Variants in ZNF44 observed in about 807,000 individuals in gnomAD.
ZNF44 encodes the protein zinc finger protein 44, also known as gonadotropin inducible transcription repressor-2.
A neutral mutation model predicts 11.7 loss-of-function variants in ZNF44; 9 were observed. The observed-to-expected ratio is 0.77, with a 90% confidence interval of 0.46 to 1.35. The LOEUF is 1.35. Ranked by LOEUF, ZNF44 falls within the 40% of genes most tolerant of loss-of-function variation. The probability of loss-of-function intolerance (pLI) is 0.00; values close to 1 mark genes in which losing one functional copy is unlikely to be tolerated. For missense variants in ZNF44, 696 were observed against 743.1 expected, an observed-to-expected ratio of 0.94 and a Z score of 0.74; for synonymous variants, 224 against 242.7, an observed-to-expected ratio of 0.92 and a Z score of 0.72.
chr19:12,248,985 T>G (rs1458045525), intron 7 of ZNF44, among the ~76,000 whole-genome samples: 1 of 149,876 alleles, frequency 6.7e-6, no homozygotes, highest in East Asian at 2.0e-4. Flanking sequence ...CGATCTTGGC[T>G]CACTGCAACC....
At chr19:12,290,441 G>A (rs924264573) in intron 1 of ZNF44, among the ~76,000 whole-genome samples, 7 of 148,194 alleles carry the variant, frequency 4.7e-5, no homozygotes, top group Non-Finnish European at 1.0e-4. Flanking sequence ...AGTGGTTCAC[G>A]CCTGTAATCC....
downstream of ZNF44, chr19:12,244,466 T>A (rs1357185408): frequency 6.6e-6 from 1 of 152,420 alleles, no homozygotes; most frequent in Non-Finnish European, 1.5e-5. Flanking sequence ...AGGTACTTTA[T>A]AGATAACAGT....
intron 1 of ZNF44, among the ~76,000 whole-genome samples, chr19:12,288,803 T>TATATATATATATATATATATAC (rs1967878717): frequency 9.2e-6 from 1 of 108,334 alleles, no homozygotes; most frequent in Admixed American, 9.6e-5. Context: ...TATATATATA[T>TATATATATATATATATATATAC]ATGAAATCAC....
chr19:12,265,991 G>A (rs189684861), intron 5 of ZNF44, among the ~76,000 whole-genome samples: 2 of 152,272 alleles, frequency 1.3e-5, no homozygotes, highest in Non-Finnish European at 2.9e-5. Context: ...CATGGTCCCC[G>A]CACAATCTGG....
chr19:12,289,852 C>G lies in ZNF44; in HGVS notation c.3+4840G>C, dbSNP rs1180371921. 3.3e-5 allele frequency among the ~76,000 whole-genome samples: 5 copies of G among 151,942 alleles called. No homozygotes were observed. In the East Asian group the frequency reaches 9.8e-4, roughly 30 times the overall value. On this transcript the variant is annotated intron_variant, in intron 1 of 3. Transcript: ENST00000355684. ...TTCACCATGTTAGCCAGGATGGTCA[C>G]GATCTCCGGACCTTGCAATCCGCCT...
intron 3 of ZNF44, among the ~76,000 whole-genome samples, chr19:12,274,626 C>G (rs536373672): frequency 1.1e-3 from 165 of 150,470 alleles, no homozygotes; most frequent in Middle Eastern, 3.4e-3. Context: ...TTAGAGTGCA[C>G]CAGTGCCATC....
chr19:12,252,522 A>G (rs1045408463), intron 5 of ZNF44, among the ~76,000 whole-genome samples: 2 of 152,240 alleles, frequency 1.3e-5, no homozygotes, highest in African/African-American at 4.8e-5. Flanking sequence ...TTAATGTGAC[A>G]GATAACAGGT....
At chr19:12,274,638 C>G (rs940789123) in intron 3 of ZNF44, among the ~76,000 whole-genome samples, 1 of 150,236 alleles carries the variant, frequency 6.7e-6, no homozygotes, top group Admixed American at 6.7e-5. Context: ...AGTGCCATCA[C>G]AGATCACTGC....
downstream of ZNF44, among the ~76,000 whole-genome samples, chr19:12,246,099 T>C (rs1050468401): frequency 6.6e-6 from 1 of 152,244 alleles, no homozygotes; most frequent in Non-Finnish European, 1.5e-5. Flanking sequence ...AAAACCTGAC[T>C]AATGCCTTCT....
At chr19:12,293,391 G>A in intron 1 of ZNF44, 1 of 1,534,042 alleles carries the variant, frequency 6.5e-7, no homozygotes, top group Non-Finnish European at 8.7e-7. Context: ...AAAGATACAG[G>A]GTGGGCTGAG....
upstream of ZNF44, among the ~76,000 whole-genome samples, chr19:12,240,151 C>T (rs1221006287): frequency 6.6e-6 from 1 of 151,956 alleles, no homozygotes; most frequent in African/African-American, 2.4e-5. Context: ...ATCCTTATGG[C>T]CTTCTTTTTA....
chr19:12,260,505 C>T (rs878876027), intron 5 of ZNF44: 10 of 1,244,604 alleles, frequency 8.0e-6, no homozygotes, highest in South Asian at 6.4e-5. Flanking sequence ...GATGGTGAAG[C>T]GGAAGCGGAC....
chr19:12,252,878 C>CTTTTT (rs753388314), intron 5 of ZNF44, among the ~76,000 whole-genome samples: 76 of 78,678 alleles, frequency 9.7e-4, no homozygotes, highest in South Asian at 1.8e-3. Context: ...CTACAAGAAA[C>CTTTTT]TTTTTTTTTT....
chr19:12,288,918 G>A (rs4297803), intron 1 of ZNF44, among the ~76,000 whole-genome samples: 57,807 of 149,580 alleles, frequency 0.39, 12,412 homozygotes, highest in African/African-American at 0.59. Context: ...TTTTTAACCT[G>A]TAACAAGGCC....
intron 1 of ZNF44, among the ~76,000 whole-genome samples, chr19:12,287,083 TTA>T (rs1334782598): frequency 2.0e-5 from 3 of 149,520 alleles, no homozygotes; most frequent in East Asian, 1.9e-4. Context: ...TATGTATAAA[TTA>T]TATATATATA....
At chr19:12,249,580 T>C (rs2145689870) in intron 7 of ZNF44, among the ~76,000 whole-genome samples, 1 of 152,064 alleles carries the variant, frequency 6.6e-6, no homozygotes, top group East Asian at 1.9e-4. Context: ...GAGATGGAGC[T>C]TCACTCTTGT....
At chr19:12,252,473 A>G (rs1917048456) in intron 5 of ZNF44, among the ~76,000 whole-genome samples, 1 of 152,234 alleles carries the variant, frequency 6.6e-6, no homozygotes, top group African/African-American at 2.4e-5. Flanking sequence ...TAGAAAAGGC[A>G]TAAGTGGAAG....
intron 7 of ZNF44, among the ~76,000 whole-genome samples, chr19:12,248,903 T>C (rs977262989): frequency 7.0e-6 from 1 of 143,766 alleles, no homozygotes; most frequent in African/African-American, 2.5e-5. Flanking sequence ...TCTCTTTTTT[T>C]TTTTTTTTGA....
chr19:12,293,095 C>T (rs1263036146), intron 1 of ZNF44: 1 of 1,036,818 alleles, frequency 9.6e-7, no homozygotes, highest in African/African-American at 1.6e-5. Context: ...GTCTTGAACC[C>T]CTGACCTCAG....
Sources: gnomAD v4.1 joint callset for allele counts (sites outside exome capture counted in the v4.1 genomes callset) on GRCh38, gnomAD v4.1.1 for gene constraint, MANE v1.5 for transcripts, NCBI Gene and HGNC (gene_info 2026-07-23, HGNC 2026-07-21) for gene names.